Variants in POU6F2 observed in about 807,000 individuals in gnomAD.
The protein encoded by POU6F2 is POU domain, class 6, transcription factor 2.
A neutral mutation model predicts 71.3 loss-of-function variants in POU6F2; 31 were observed. That is an observed-to-expected ratio of 0.43 (90% CI 0.33 to 0.59). POU6F2 has a LOEUF of 0.59. Among genes scored for constraint, POU6F2 ranks in the 20% least tolerant of loss-of-function variants. The probability of loss-of-function intolerance (pLI) is 0.04; values close to 1 mark genes in which losing one functional copy is unlikely to be tolerated. For missense variants in POU6F2, 783 were observed against 856.8 expected (o/e 0.91, Z 1.07); for synonymous variants, 347 against 355.7 (o/e 0.98, Z 0.27).
intron 1 of POU6F2, among the ~76,000 whole-genome samples, chr7:38,990,850 A>C (rs1229256937): frequency 6.6e-6 from 1 of 152,122 alleles, no homozygotes; most frequent in Non-Finnish European, 1.5e-5. Context: ...ATTGGGTTGA[A>C]TCTTTTGAGA....
intron 5 of POU6F2, among the ~76,000 whole-genome samples, chr7:39,383,797 A>C (rs1053112495): frequency 5.3e-5 from 8 of 152,176 alleles, no homozygotes; most frequent in Non-Finnish European, 1.2e-4. Context: ...CCTACTGAGA[A>C]AGTACATCTT....
At chr7:39,319,221 G>T (rs551908791) in intron 4 of POU6F2, among the ~76,000 whole-genome samples, 5 of 152,266 alleles carry the variant, frequency 3.3e-5, no homozygotes, top group Admixed American at 2.6e-4. Context: ...TAAGCAGAAA[G>T]CCTGTAACTG....
chr7:39,275,573 A>G (rs1209876245), intron 4 of POU6F2, among the ~76,000 whole-genome samples: 1 of 152,204 alleles, frequency 6.6e-6, no homozygotes, highest in Non-Finnish European at 1.5e-5. Flanking sequence ...TATGGAAACA[A>G]AAAAGAGCCC....
chr7:39,016,348 TC>T (rs1015987721), intron 1 of POU6F2, among the ~76,000 whole-genome samples: 3 of 151,286 alleles, frequency 2.0e-5, no homozygotes, highest in Admixed American at 6.6e-5. Flanking sequence ...ATATAGTAAT[TC>T]CAATTCATTG....
At chr7:38,986,786 C>T (rs1562655297) in intron 1 of POU6F2, among the ~76,000 whole-genome samples, 1 of 152,140 alleles carries the variant, frequency 6.6e-6, no homozygotes, top group Non-Finnish European at 1.5e-5. Flanking sequence ...TTAACTATTT[C>T]TTATATATCC....
chr7:39,154,822 C>T (rs1792836111), intron 2 of POU6F2, among the ~76,000 whole-genome samples: 1 of 152,120 alleles, frequency 6.6e-6, no homozygotes. Context: ...CCTTTGTTTA[C>T]TGTGAATCTA....
rs1789112803 is a variant in POU6F2 at position 39,468,008 on chromosome 7, T to C, written c.*3322T>C. The C allele has an allele frequency of 6.6e-6, 1 of 152,158 alleles. No homozygotes were observed. 9.4% of individuals were successfully genotyped at this position (152,158 alleles called of 1,614,324 possible). On this transcript the variant is annotated 3_prime_UTR_variant, in exon 10 of 10. Transcript: ENST00000518318. ...TCAATGTTTTACCTCAGCACTCTAC[T>C]TGTACCCAGTTAATGACCAAGCTTA...
At chr7:39,248,048 G>T (rs1367227068) in intron 4 of POU6F2, among the ~76,000 whole-genome samples, 3 of 152,046 alleles carry the variant, frequency 2.0e-5, no homozygotes, top group Non-Finnish European at 4.4e-5. Context: ...ATTAAAGACA[G>T]GATTTAGTGT....
intron 2 of POU6F2, among the ~76,000 whole-genome samples, chr7:39,100,925 TC>T: frequency 6.6e-6 from 1 of 152,180 alleles, no homozygotes. Flanking sequence ...GGAATGAAAA[TC>T]CACATCTTCA....
chr7:39,275,348 C>T lies in POU6F2; in HGVS notation c.599-64294C>T, dbSNP rs368918305. ...ACTTAGGAATCCAACCTACAAGGGA[C>T]GTGAAGGACCTCTTCAAGGAGAACT... On this transcript the variant is annotated intron_variant, in intron 4 of 9. Transcript: ENST00000518318. 2.8e-3 allele frequency among the ~76,000 whole-genome samples: 427 copies of T among 152,192 alleles called. 2 individuals are homozygous for T. The highest frequency in any genetic ancestry group is 8.6e-3 in the African/African-American group (357 of 41,520).
At chr7:39,338,335 A>G (rs1311788414) in intron 4 of POU6F2, among the ~76,000 whole-genome samples, 1 of 152,260 alleles carries the variant, frequency 6.6e-6, no homozygotes, top group Non-Finnish European at 1.5e-5. Context: ...TAAAAGGTCT[A>G]ATAAACGGGA....
intron 2 of POU6F2, among the ~76,000 whole-genome samples, chr7:39,141,921 A>G (rs1792512184): frequency 6.6e-6 from 1 of 152,012 alleles, no homozygotes; most frequent in Admixed American, 6.6e-5. Flanking sequence ...CTCCATCTCT[A>G]CCAAAAATAC....
intron 5 of POU6F2, among the ~76,000 whole-genome samples, chr7:39,348,824 C>T (rs982656773): frequency 9.2e-5 from 14 of 152,188 alleles, no homozygotes; most frequent in African/African-American, 3.1e-4. Flanking sequence ...GTGCTGCATG[C>T]TATATCCTGT....
At chr7:38,981,484 C>A (rs138181854) in intron 1 of POU6F2, among the ~76,000 whole-genome samples, 216 of 152,200 alleles carry the variant, frequency 1.4e-3, no homozygotes, top group African/African-American at 5.1e-3. Context: ...CTGACTTTTG[C>A]AAATATTGCA....
chr7:39,297,206 C>T (rs951081293), intron 4 of POU6F2, among the ~76,000 whole-genome samples: 1 of 149,380 alleles, frequency 6.7e-6, no homozygotes, highest in Non-Finnish European at 1.5e-5. Flanking sequence ...TACACACACA[C>T]ACACACACAC....
chr7:39,197,167 G>T (rs1793804806), intron 2 of POU6F2, among the ~76,000 whole-genome samples: 1 of 152,200 alleles, frequency 6.6e-6, no homozygotes, highest in Non-Finnish European at 1.5e-5. Flanking sequence ...GGCTCTGGCT[G>T]CCCACTCTCT....
At chr7:39,155,260 G>A (rs1220317492) in intron 2 of POU6F2, among the ~76,000 whole-genome samples, 1 of 150,530 alleles carries the variant, frequency 6.6e-6, no homozygotes, top group Admixed American at 6.6e-5. Context: ...TTGGGGGGTG[G>A]GGGTTGGGGG....
chr7:39,261,159 A>C (rs897379518), intron 4 of POU6F2, among the ~76,000 whole-genome samples: 7 of 152,084 alleles, frequency 4.6e-5, no homozygotes, highest in African/African-American at 1.7e-4. Context: ...AGACAAAGTT[A>C]GGCAAAGGTT....
intron 1 of POU6F2, among the ~76,000 whole-genome samples, chr7:39,016,063 TAA>T (rs1562671344): frequency 0.16 from 9,317 of 59,314 alleles, 1,838 homozygotes; most frequent in Non-Finnish European, 0.23. Flanking sequence ...ATATTATATA[TAA>T]TATATAGATA....
Sources: gnomAD v4.1 joint callset for allele counts (sites outside exome capture counted in the v4.1 genomes callset) on GRCh38, gnomAD v4.1.1 for gene constraint, MANE v1.5 for transcripts, NCBI Gene and HGNC (gene_info 2026-07-23, HGNC 2026-07-21) for gene names.